The following GRID1 variants were observed in gnomAD, a reference collection of about 807,000 sequenced individuals.
The protein encoded by GRID1 is glutamate ionotropic receptor delta type subunit 1.
A neutral mutation model predicts 98.0 loss-of-function variants in GRID1; 28 were observed. The observed-to-expected ratio is 0.29, with a 90% CI of 0.21 to 0.39. The LOEUF is 0.39. Ranked by LOEUF, GRID1 falls within the 10% of genes least tolerant of loss-of-function variation. GRID1 has a pLI of 1.00. For synonymous variants in GRID1, 553 were observed against 538.5 expected (o/e 1.03, Z -0.37); for missense variants, 1,111 against 1,340.5 (o/e 0.83, Z 2.67).
Position 85,877,486 on chromosome 10 carries a change from C to T in GRID1, c.781-8306G>A, listed in dbSNP as rs193144652. 1.6e-4 allele frequency among the ~76,000 whole-genome samples: 25 copies of T among 152,304 alleles called. No homozygotes were observed. In the South Asian group the frequency reaches 1.9e-3, roughly 11 times the overall value. ...ACAGCCACCGCTGTTCTGCAGCCACCGCTGCTGACACCCAGGCAAACAGGG... is the reference window on the plus strand; with the variant it reads ...ACAGCCACCGCTGTTCTGCAGCCACTGCTGCTGACACCCAGGCAAACAGGG... On this transcript the variant is annotated intron_variant, in intron 5 of 15. Transcript: ENST00000327946.
At chr10:85,657,694 G>T (rs1840916326) in intron 12 of GRID1, among the ~76,000 whole-genome samples, 1 of 152,158 alleles carries the variant, frequency 6.6e-6, no homozygotes, top group Non-Finnish European at 1.5e-5. Flanking sequence ...ACAGCACAAA[G>T]CTACGTGGGT....
intron 2 of GRID1, among the ~76,000 whole-genome samples, chr10:86,361,325 T>G (rs1167103743): frequency 6.6e-6 from 1 of 151,934 alleles, no homozygotes; most frequent in Admixed American, 6.5e-5. Flanking sequence ...ACAATGGATT[T>G]CAGTCCACCA....
At chr10:86,018,766 GC>G (rs1226653395) in intron 4 of GRID1, among the ~76,000 whole-genome samples, 2 of 152,182 alleles carry the variant, frequency 1.3e-5, no homozygotes, top group Non-Finnish European at 2.9e-5. Context: ...CCATCTCCCT[GC>G]CCCACCAAAG....
intron 8 of GRID1, among the ~76,000 whole-genome samples, chr10:85,744,198 T>C (rs1403569395): frequency 6.6e-6 from 1 of 152,160 alleles, no homozygotes; most frequent in Non-Finnish European, 1.5e-5. Flanking sequence ...AAAGACCTTC[T>C]ATAGTCTTAA....
chr10:86,292,435 C>T (rs530681324), intron 2 of GRID1, among the ~76,000 whole-genome samples: 12 of 152,326 alleles, frequency 7.9e-5, no homozygotes, highest in African/African-American at 2.2e-4. Context: ...ATCACCATGC[C>T]GGGAAGAAAG....
At chr10:86,357,730 C>G (rs544767805) in intron 2 of GRID1, among the ~76,000 whole-genome samples, 1 of 152,308 alleles carries the variant, frequency 6.6e-6, no homozygotes, top group African/African-American at 2.4e-5. Context: ...AGCACCCTGA[C>G]ACCGTGAGTT....
At chr10:85,673,855 C>A (rs1841114775) in intron 12 of GRID1, among the ~76,000 whole-genome samples, 1 of 152,092 alleles carries the variant, frequency 6.6e-6, no homozygotes, top group African/African-American at 2.4e-5. Context: ...ATTTTTTTAA[C>A]CTTAGGTTAA....
At chr10:86,058,160 C>G (rs1326499509) in intron 4 of GRID1, among the ~76,000 whole-genome samples, 3 of 152,042 alleles carry the variant, frequency 2.0e-5, no homozygotes, top group Admixed American at 6.6e-5. Context: ...ACAAATGAGA[C>G]CCCTGGGCCC....
At position 86,150,917 on chromosome 10, in the gene GRID1, C is replaced by T. The variant is rs575791826; in HGVS notation, c.521-11893G>A. On this transcript the variant is annotated intron_variant, in intron 3 of 15. Coordinates refer to ENST00000327946, the MANE Select transcript of GRID1 (RefSeq NM_017551.3). ...GATCTTGGACTTCTCAGCCTCCAGA[C>T]TGTGAAAATTAAATGTGTGTTGTTT... 3.9e-5 allele frequency among the ~76,000 whole-genome samples: 6 copies of T among 152,312 alleles called. No homozygotes were observed. In the East Asian group the frequency reaches 1.2e-3, roughly 29 times the overall value.
At chr10:86,087,288 A>G (rs549751940) in intron 4 of GRID1, among the ~76,000 whole-genome samples, 2 of 151,318 alleles carry the variant, frequency 1.3e-5, no homozygotes, top group African/African-American at 4.9e-5. Flanking sequence ...TCTGTGTGTA[A>G]TATGTTAGTA....
At chr10:85,800,336 T>C (rs1460032098) in intron 8 of GRID1, among the ~76,000 whole-genome samples, 1 of 151,916 alleles carries the variant, frequency 6.6e-6, no homozygotes, top group Non-Finnish European at 1.5e-5. Flanking sequence ...TATAATACAG[T>C]CCCGAAACTG....
chr10:86,063,042 G>A (rs1843670261), intron 4 of GRID1, among the ~76,000 whole-genome samples: 1 of 152,238 alleles, frequency 6.6e-6, no homozygotes, highest in Non-Finnish European at 1.5e-5. Context: ...TCTGTCACAA[G>A]CCCCAGCCCA....
At chr10:86,133,961 G>A (rs1844877210) in intron 4 of GRID1, among the ~76,000 whole-genome samples, 1 of 152,242 alleles carries the variant, frequency 6.6e-6, no homozygotes, top group South Asian at 2.1e-4. Context: ...ACTCTTTCCA[G>A]TGGAACAAAA....
At chr10:86,253,057 T>C (rs1025249443) in intron 2 of GRID1, among the ~76,000 whole-genome samples, 1 of 152,248 alleles carries the variant, frequency 6.6e-6, no homozygotes, top group Non-Finnish European at 1.5e-5. Context: ...TTGTCCCAGA[T>C]TGCTAGAAAC....
At chr10:85,992,615 T>TC (rs1554844879) in intron 4 of GRID1, among the ~76,000 whole-genome samples, 1 of 144,076 alleles carries the variant, frequency 6.9e-6, no homozygotes, top group African/African-American at 2.6e-5. Context: ...TGAGGAGAGG[T>TC]GGGGGGGGAA....
In GRID1 at chr10:85,736,171, G is replaced by A. The variant is rs537779699; in HGVS notation, c.1234-6557C>T. Among the ~76,000 whole-genome samples, 13 of 142,358 alleles carry A rather than the reference G, an allele frequency of 9.1e-5. No individual in the cohort carries two copies. In the South Asian group the frequency reaches 3.1e-3, roughly 34 times the overall value. The allele number at this position is 142,358 out of a possible 152,430, so 93.4% of individuals were successfully genotyped here. On this transcript the variant is annotated intron_variant, in intron 8 of 15. Transcript: ENST00000327946. ...AAGGAAGGAGGGAGGGAGGGACACAGGAAGAAAGGAAGGAAGGAGGGAAGG... is the reference window on the plus strand; with the variant it reads ...AAGGAAGGAGGGAGGGAGGGACACAAGAAGAAAGGAAGGAAGGAGGGAAGG...
chr10:86,317,915 A>T (rs1176838055), intron 2 of GRID1, among the ~76,000 whole-genome samples: 2 of 151,572 alleles, frequency 1.3e-5, no homozygotes, highest in Non-Finnish European at 2.9e-5. Context: ...TAATTTTTTA[A>T]TTTTTTTTGT....
intron 15 of GRID1, among the ~76,000 whole-genome samples, chr10:85,603,349 G>C (rs1299258754): frequency 2.0e-5 from 3 of 152,154 alleles, no homozygotes; most frequent in Non-Finnish European, 4.4e-5. Flanking sequence ...AGGGGGCGTG[G>C]GTTCCTGGGT....
At chr10:86,222,578 A>C (rs1387993027) in intron 2 of GRID1, among the ~76,000 whole-genome samples, 2 of 152,254 alleles carry the variant, frequency 1.3e-5, no homozygotes, top group East Asian at 3.9e-4. Flanking sequence ...TCACTGAAAA[A>C]TGGAGGGGCC....
Sources: gnomAD v4.1 joint callset for allele counts (sites outside exome capture counted in the v4.1 genomes callset) on GRCh38, gnomAD v4.1.1 for gene constraint, MANE v1.5 for transcripts, NCBI Gene and HGNC (gene_info 2026-07-23, HGNC 2026-07-21) for gene names.